Variants in NKAIN2 observed in about 807,000 individuals in gnomAD.
NKAIN2 encodes sodium/potassium-transporting ATPase subunit beta-1-interacting protein 2.
Under a neutral mutation model 32.6 loss-of-function variants are expected in NKAIN2, and 14 were observed. That is an observed-to-expected ratio of 0.43 (90% CI 0.28 to 0.67). The LOEUF (loss-of-function observed/expected upper bound fraction) is 0.67. Ranked by LOEUF, NKAIN2 falls within the 30% of genes least tolerant of loss-of-function variation. The pLI is 0.17. For synonymous variants in NKAIN2, 80 were observed against 87.2 expected, an observed-to-expected ratio of 0.92 and a Z score of 0.46; for missense variants, 198 against 258.3, an observed-to-expected ratio of 0.77 and a Z score of 1.60.
intron 1 of NKAIN2, among the ~76,000 whole-genome samples, chr6:123,876,824 A>G (rs560139310): frequency 6.6e-6 from 1 of 152,240 alleles, no homozygotes; most frequent in Admixed American, 6.5e-5. Flanking sequence ...AAAGATTCTC[A>G]TAGACATACT....
chr6:124,065,535 C>T (rs1351921284), intron 1 of NKAIN2, among the ~76,000 whole-genome samples: 1 of 152,146 alleles, frequency 6.6e-6, no homozygotes, highest in East Asian at 1.9e-4. Flanking sequence ...CGCCTCTCTG[C>T]CATGTGAGAA....
chr6:124,149,348 A>G (rs896535517), intron 1 of NKAIN2, among the ~76,000 whole-genome samples: 11 of 152,140 alleles, frequency 7.2e-5, no homozygotes, highest in African/African-American at 2.7e-4. Flanking sequence ...TAATTAAGAA[A>G]CCATTGCCTA....
At chr6:123,908,897 A>G (rs917953824) in intron 1 of NKAIN2, among the ~76,000 whole-genome samples, 1 of 152,150 alleles carries the variant, frequency 6.6e-6, no homozygotes, top group South Asian at 2.1e-4. Context: ...GTTATGTCTC[A>G]TAGACATTTA....
At chr6:124,465,725 T>C (rs1372364061) in intron 3 of NKAIN2, among the ~76,000 whole-genome samples, 1 of 152,118 alleles carries the variant, frequency 6.6e-6, no homozygotes, top group Non-Finnish European at 1.5e-5. Flanking sequence ...CACCTCCATT[T>C]CTAAATTGTT....
chr6:124,286,689 T>C (rs1020068301), intron 2 of NKAIN2, among the ~76,000 whole-genome samples: 2 of 149,074 alleles, frequency 1.3e-5, no homozygotes, highest in Admixed American at 6.6e-5. Context: ...CGCGTGTGTG[T>C]GTGTGTGTGT....
chr6:123,833,666 C>G (rs1774479046), intron 1 of NKAIN2, among the ~76,000 whole-genome samples: 1 of 138,944 alleles, frequency 7.2e-6, no homozygotes, highest in Admixed American at 7.2e-5. Context: ...TTGGGTTGTT[C>G]TTAAGCAAAA....
intron 3 of NKAIN2, among the ~76,000 whole-genome samples, chr6:124,585,781 A>C (rs2078443): frequency 6.6e-6 from 1 of 151,964 alleles, no homozygotes; most frequent in Non-Finnish European, 1.5e-5. Context: ...TTACTAAAGT[A>C]TAATTTACAT....
intron 3 of NKAIN2, among the ~76,000 whole-genome samples, chr6:124,567,935 G>A (rs1583452071): frequency 6.6e-6 from 1 of 152,158 alleles, no homozygotes; most frequent in South Asian, 2.1e-4. Flanking sequence ...GGGTCCCTCT[G>A]CTTCAAGCTG....
intron 3 of NKAIN2, among the ~76,000 whole-genome samples, chr6:124,567,286 C>G (rs537929592): frequency 6.6e-6 from 1 of 152,312 alleles, no homozygotes; most frequent in Non-Finnish European, 1.5e-5. Context: ...ATTCTAAATT[C>G]ATGATCACCA....
At chr6:124,798,568 G>T (rs566791836) in intron 5 of NKAIN2, among the ~76,000 whole-genome samples, 16 of 152,136 alleles carry the variant, frequency 1.1e-4, no homozygotes, top group African/African-American at 3.9e-4. Flanking sequence ...GGGCCAAGGT[G>T]AAAAAGGTGT....
intron 3 of NKAIN2, among the ~76,000 whole-genome samples, chr6:124,497,579 G>GT (rs774589039): frequency 4.9e-4 from 75 of 151,856 alleles, no homozygotes; most frequent in Non-Finnish European, 1.0e-3. Flanking sequence ...AAGGAATTTG[G>GT]TTTGAAACAC....
chr6:124,725,798 G>A (rs1413708861), intron 4 of NKAIN2, among the ~76,000 whole-genome samples: 1 of 152,196 alleles, frequency 6.6e-6, no homozygotes, highest in Admixed American at 6.5e-5. Context: ...TGAGGTACCA[G>A]GTTCATCTCA....
At chr6:124,558,041 T>G (rs865817187) in intron 3 of NKAIN2, among the ~76,000 whole-genome samples, 1 of 152,258 alleles carries the variant, frequency 6.6e-6, no homozygotes, top group African/African-American at 2.4e-5. Context: ...GAGTGTGTTA[T>G]GTTTTGCACT....
intron 3 of NKAIN2, among the ~76,000 whole-genome samples, chr6:124,399,372 G>T (rs1246076742): frequency 6.6e-6 from 1 of 152,126 alleles, no homozygotes; most frequent in Non-Finnish European, 1.5e-5. Flanking sequence ...CAATTATTTG[G>T]ATTCTTGGTT....
intron 1 of NKAIN2, among the ~76,000 whole-genome samples, chr6:123,816,986 CAGTG>C (rs1773720127): frequency 6.6e-6 from 1 of 152,052 alleles, no homozygotes; most frequent in Non-Finnish European, 1.5e-5. Context: ...AAGAGGAACA[CAGTG>C]AGGAGAGAAA....
chr6:123,942,985 GCAGT>G (rs1776889619), intron 1 of NKAIN2, among the ~76,000 whole-genome samples: 2 of 151,968 alleles, frequency 1.3e-5, no homozygotes, highest in African/African-American at 4.8e-5. Context: ...CTCTCTTAAA[GCAGT>G]CAGTTTATAG....
chr6:124,436,377 T>C (rs188564468), intron 3 of NKAIN2, among the ~76,000 whole-genome samples: 1 of 152,264 alleles, frequency 6.6e-6, no homozygotes, highest in East Asian at 1.9e-4. Context: ...ACTCACAGAA[T>C]TTATAAATGC....
intron 3 of NKAIN2, among the ~76,000 whole-genome samples, chr6:124,651,521 G>C (rs1424027457): frequency 6.6e-6 from 1 of 152,136 alleles, no homozygotes; most frequent in Non-Finnish European, 1.5e-5. Context: ...TCATGAACTT[G>C]GCACGTCTGC....
chr6:124,574,187 G>T (rs147831367), intron 3 of NKAIN2, among the ~76,000 whole-genome samples: 20 of 152,240 alleles, frequency 1.3e-4, no homozygotes, highest in African/African-American at 4.6e-4. Flanking sequence ...AGCTTTTGAG[G>T]TTCTTCAAAT....
Sources: gnomAD v4.1 joint callset for allele counts (sites outside exome capture counted in the v4.1 genomes callset) on GRCh38, gnomAD v4.1.1 for gene constraint, MANE v1.5 for transcripts, NCBI Gene and HGNC (gene_info 2026-07-23, HGNC 2026-07-21) for gene names.